Variants in SPATA13 observed in about 807,000 individuals in gnomAD.
The protein encoded by SPATA13 is spermatogenesis-associated protein 13.
A neutral mutation model predicts 104.0 loss-of-function variants in SPATA13; 50 were observed. The ratio of observed to expected loss-of-function variants is 0.48; its 90% confidence interval spans 0.38 to 0.61. SPATA13 has a LOEUF of 0.61. SPATA13 is among the 20% of genes least tolerant of loss of function. SPATA13 has a pLI of 0.00. For synonymous variants in SPATA13, 606 were observed against 667.5 expected (o/e 0.91, Z 1.42); for missense variants, 1,524 against 1,690.6 (o/e 0.90, Z 1.73).
chr13:24,006,911 A>G (rs1876259259), intron 2 of SPATA13, among the ~76,000 whole-genome samples: 1 of 152,206 alleles, frequency 6.6e-6, no homozygotes, highest in Non-Finnish European at 1.5e-5. Context: ...CCTCTCTGGA[A>G]GGAGGATGCT....
At chr13:24,135,746 T>G (rs1380850989) in intron 3 of SPATA13, among the ~76,000 whole-genome samples, 1 of 151,084 alleles carries the variant, frequency 6.6e-6, no homozygotes, top group Non-Finnish European at 1.5e-5. Flanking sequence ...GTTTATTTTC[T>G]CCAACTATAA....
upstream of SPATA13, among the ~76,000 whole-genome samples, chr13:24,159,676 C>T (rs570765490): frequency 5.3e-5 from 8 of 152,234 alleles, no homozygotes; most frequent in African/African-American, 1.9e-4. Context: ...GACATGAAGC[C>T]ACCATTATAA....
intron 3 of SPATA13, among the ~76,000 whole-genome samples, chr13:24,058,189 G>A (rs1205265353): frequency 2.0e-5 from 3 of 151,818 alleles, no homozygotes; most frequent in Non-Finnish European, 4.4e-5. Flanking sequence ...AACCCAGAAA[G>A]CTTACATAGG....
At chr13:24,207,892 G>C (rs1267353838) in intron 1 of SPATA13, among the ~76,000 whole-genome samples, 1 of 152,198 alleles carries the variant, frequency 6.6e-6, no homozygotes, top group Admixed American at 6.5e-5. Context: ...GTGATCTTAG[G>C]ACCTAACCTC....
chr13:24,157,437 T>C (rs1220276732), upstream of SPATA13, among the ~76,000 whole-genome samples: 1 of 152,194 alleles, frequency 6.6e-6, no homozygotes, highest in Non-Finnish European at 1.5e-5. Context: ...TAGCTGGGAC[T>C]ACAGGCGCCC....
At position 24,107,196 on chromosome 13, in the gene SPATA13, A is replaced by G. The variant is rs963130423; in HGVS notation, c.-112+89495A>G. ...GAGGAAAGTGAAATGCAAGATGATC[A>G]CACAGTGGCTGGGTACTCAAGTGCC... is the stretch of plus-strand genomic sequence containing the variant. On this transcript the variant is annotated intron_variant, in intron 3 of 14. Coordinates refer to the SPATA13 transcript ENST00000424834. 2.1e-5 allele frequency among the ~76,000 whole-genome samples: 3 copies of G among 143,130 alleles called. No homozygotes were observed. In the South Asian group the frequency reaches 7.2e-4, roughly 34 times the overall value. 93.9% of individuals were successfully genotyped at this position (143,130 alleles called of 152,430 possible).
intron 3 of SPATA13, among the ~76,000 whole-genome samples, chr13:24,058,054 G>A (rs909872694): frequency 1.3e-5 from 2 of 151,852 alleles, no homozygotes; most frequent in African/African-American, 4.8e-5. Context: ...CGCAAGATGA[G>A]CTCCCATCTG....
At chr13:24,019,093 A>ATTATT (rs374489803) in intron 3 of SPATA13, among the ~76,000 whole-genome samples, 11 of 141,102 alleles carry the variant, frequency 7.8e-5, no homozygotes, top group Non-Finnish European at 1.2e-4. Context: ...TATTATTATT[A>ATTATT]TTTTTTTTTT....
chr13:23,980,392 A>G (rs1425387108), intron 1 of SPATA13, among the ~76,000 whole-genome samples: 2 of 152,170 alleles, frequency 1.3e-5, no homozygotes, highest in Non-Finnish European at 2.9e-5. Context: ...GCTCAGCGTC[A>G]CTGCGTGAGC....
chr13:24,141,610 C>G (rs549182349), intron 3 of SPATA13, among the ~76,000 whole-genome samples: 1 of 152,318 alleles, frequency 6.6e-6, no homozygotes, highest in African/African-American at 2.4e-5. Context: ...CCTGTGATAA[C>G]ATGAGTACTT....
rs188844542 is a variant in SPATA13, at chr13:24,148,310, G to A, written c.-111-74509G>A. 2.6e-3 allele frequency among the ~76,000 whole-genome samples: 399 copies of A among 152,206 alleles called. 1 individual carries two copies. Among genetic ancestry groups the A allele is most frequent in the Non-Finnish European group, 4.4e-3 (297 of 68,014 alleles). ...CAAGGGGTCTCAGTCCTACTTTCAT[G>A]AGCCCCGTTGTCTTTTGTGCACAAT... On this transcript the variant is annotated intron_variant, in intron 3 of 14. Coordinates refer to the SPATA13 transcript ENST00000424834.
chr13:24,042,642 T>A (rs1191621768), intron 3 of SPATA13, among the ~76,000 whole-genome samples: 1 of 152,136 alleles, frequency 6.6e-6, no homozygotes, highest in Non-Finnish European at 1.5e-5. Flanking sequence ...TACCAGGGGG[T>A]AAACCTTACT....
intron 3 of SPATA13, among the ~76,000 whole-genome samples, chr13:24,070,293 C>T (rs576938411): frequency 1.3e-4 from 20 of 152,310 alleles, no homozygotes; most frequent in East Asian, 9.7e-4. Context: ...AGCCCTGATG[C>T]GTGGCTGACC....
At chr13:24,009,886 A>G (rs1399252026) in intron 2 of SPATA13, among the ~76,000 whole-genome samples, 2 of 152,194 alleles carry the variant, frequency 1.3e-5, no homozygotes, top group Non-Finnish European at 2.9e-5. Flanking sequence ...TAACTTTTTC[A>G]GGTTAACTTT....
chr13:23,999,183 T>C (rs2137669834), intron 2 of SPATA13, among the ~76,000 whole-genome samples: 1 of 152,216 alleles, frequency 6.6e-6, no homozygotes, highest in African/African-American at 2.4e-5. Context: ...TGCCTCGGCC[T>C]CCCAAAGTGC....
intron 2 of SPATA13, among the ~76,000 whole-genome samples, chr13:24,003,011 C>T (rs1876052083): frequency 6.6e-6 from 1 of 152,132 alleles, no homozygotes; most frequent in East Asian, 1.9e-4. Flanking sequence ...GTTAATTCTC[C>T]CTATGATCTC....
intron 1 of SPATA13, among the ~76,000 whole-genome samples, chr13:24,214,715 C>G (rs1189803694): frequency 6.6e-6 from 1 of 152,244 alleles, no homozygotes; most frequent in Non-Finnish European, 1.5e-5. Context: ...GTCAGCAGCA[C>G]ATCTGTTTCC....
intron 1 of SPATA13, among the ~76,000 whole-genome samples, chr13:24,180,230 T>G (rs1042258622): frequency 8.5e-5 from 13 of 152,230 alleles, no homozygotes; most frequent in African/African-American, 2.7e-4. Flanking sequence ...TTTGTCCCAG[T>G]GTCATTTGTT....
intron 1 of SPATA13, among the ~76,000 whole-genome samples, chr13:24,169,035 A>G (rs374916127): frequency 1.3e-5 from 2 of 152,210 alleles, no homozygotes; most frequent in African/African-American, 4.8e-5. Context: ...AAACAAATCT[A>G]AAATCCCCAG....
Sources: allele counts gnomAD v4.1 joint callset (sites outside exome capture counted in the v4.1 genomes callset), GRCh38; gene constraint gnomAD v4.1.1; transcripts MANE v1.5; gene names NCBI Gene and HGNC (gene_info 2026-07-23, HGNC 2026-07-21).